KCNK5: variants seen among roughly 807,000 people sequenced by gnomAD.
KCNK5 encodes the protein potassium channel subfamily K member 5.
In KCNK5, 18 loss-of-function variants were observed where a neutral mutation model predicts 32.9. The ratio of observed to expected loss-of-function variants is 0.55; its 90% confidence interval spans 0.38 to 0.81. KCNK5 has a LOEUF of 0.81. Among genes scored for constraint, KCNK5 ranks in the 30% least tolerant of loss-of-function variants. KCNK5 has a pLI of 0.00. For synonymous variants in KCNK5, 276 were observed against 275.3 expected, an observed-to-expected ratio of 1.00 and a Z score of -0.03; for missense variants, 507 against 651.0, an observed-to-expected ratio of 0.78 and a Z score of 2.41.
At chr6:39,193,592 A>C (rs1028966731) in intron 4 of KCNK5, among the ~76,000 whole-genome samples, 6 of 152,236 alleles carry the variant, frequency 3.9e-5, no homozygotes, top group African/African-American at 7.2e-5. Context: ...CAAAGGGGCC[A>C]AAGAACCTCA....
chr6:39,209,725 A>C (rs139608172), intron 1 of KCNK5, among the ~76,000 whole-genome samples: 16 of 152,350 alleles, frequency 1.1e-4, no homozygotes, highest in Non-Finnish European at 2.2e-4. Flanking sequence ...TTTTAAGCAC[A>C]GACGTTTCCA....
intron 1 of KCNK5, among the ~76,000 whole-genome samples, chr6:39,205,599 C>T (rs185737136): frequency 3.2e-4 from 48 of 152,264 alleles, no homozygotes; most frequent in Non-Finnish European, 4.9e-4. Context: ...CCCTTCTCTG[C>T]CCCCAGAGTT....
chr6:39,210,916 C>T (rs1439133211), intron 1 of KCNK5, among the ~76,000 whole-genome samples: 1 of 152,122 alleles, frequency 6.6e-6, no homozygotes, highest in Admixed American at 6.5e-5. Flanking sequence ...GAACAAGGAC[C>T]AGAGCAATTT....
chr6:39,204,377 A>G (rs1000359037), intron 1 of KCNK5, among the ~76,000 whole-genome samples: 1 of 152,282 alleles, frequency 6.6e-6, no homozygotes, highest in African/African-American at 2.4e-5. Context: ...GCTTCTCTGT[A>G]CAATGAGGAG....
chr6:39,222,133 C>G (rs932582446), intron 1 of KCNK5, among the ~76,000 whole-genome samples: 3 of 152,204 alleles, frequency 2.0e-5, no homozygotes, highest in East Asian at 3.9e-4. Flanking sequence ...ACACCACCCC[C>G]ACTTCTACAT....
chr6:39,227,589 C>T (rs1771697135), intron 1 of KCNK5, among the ~76,000 whole-genome samples: 1 of 152,188 alleles, frequency 6.6e-6, no homozygotes, highest in Non-Finnish European at 1.5e-5. Flanking sequence ...GACTAAACCT[C>T]CCCTTCTACA....
At chr6:39,212,360 A>T (rs1225965338) in intron 1 of KCNK5, among the ~76,000 whole-genome samples, 3 of 152,208 alleles carry the variant, frequency 2.0e-5, no homozygotes, top group African/African-American at 7.2e-5. Context: ...GCATAGCGGC[A>T]TGTGGGTAGT....
chr6:39,204,622 C>T lies in KCNK5; in HGVS notation c.187-8635G>A, dbSNP rs142620490. Among the ~76,000 whole-genome samples the T allele has an allele frequency of 1.0e-3, 157 of 152,358 alleles. 2 individuals are homozygous for T. The East Asian group carries it at 0.027, about 26-fold the overall frequency. On this transcript the variant is annotated intron_variant, in intron 1 of 4. Transcript: ENST00000359534. ...GAGAAATAGTCTGGGGCTTGAACTG[C>T]GAACCAGGATGCTGCAAAGCTCCCC...
rs1387740749 is a variant in KCNK5 at position 39,191,794 on chromosome 6, C to T, written c.635-39G>A. 3.2e-6 allele frequency: 5 copies of T among 1,586,014 alleles called. No homozygotes were observed. The Admixed American group carries it at 8.6e-5, about 27-fold the overall frequency. On this transcript the variant is annotated intron_variant, in intron 4 of 4. Coordinates refer to ENST00000359534, the MANE Select transcript of KCNK5 (RefSeq NM_003740.4). This position sits in a 1 kb window ranked among gnomAD's most constrained non-coding sequence, Gnocchi z 5.8. ...CAGTCCAGAGGTCAGGAAGAGTTAG[C>T]AGGGCCCGGGAAATGTGCAATGGCC... is the stretch of plus-strand genomic sequence containing the variant.
chr6:39,215,210 C>A (rs980148296), intron 1 of KCNK5, among the ~76,000 whole-genome samples: 1 of 152,048 alleles, frequency 6.6e-6, no homozygotes, highest in Non-Finnish European at 1.5e-5. Flanking sequence ...ATCAGGACAC[C>A]CTCCCTTTTC....
At chr6:39,217,600 C>T (rs769135449) in intron 1 of KCNK5, among the ~76,000 whole-genome samples, 1 of 152,224 alleles carries the variant, frequency 6.6e-6, no homozygotes, top group Non-Finnish European at 1.5e-5. Flanking sequence ...ACATAACCTC[C>T]AAAGGTCTGG....
rs1770947628 is a variant in KCNK5, at chr6:39,191,999, A to G, written c.635-244T>C. Among the ~76,000 whole-genome samples the G allele has an allele frequency of 6.6e-6, 1 of 152,078 alleles. No homozygotes were observed. Among genetic ancestry groups the G allele is most frequent in the South Asian group, 2.1e-4 (1 of 4,816 alleles). ...TCTGAGTCTCGGTTTCCTCAACTAG[A>G]AACGTCAAGACAGGCCAGGCATGGT... On this transcript the variant is annotated intron_variant, in intron 4 of 4. Coordinates refer to ENST00000359534, the MANE Select transcript of KCNK5 (RefSeq NM_003740.4). The surrounding 1 kb of genome is among the most constrained non-coding windows in gnomAD (Gnocchi z 5.8).
chr6:39,225,524 C>T (rs535970044), intron 1 of KCNK5, among the ~76,000 whole-genome samples: 1 of 152,340 alleles, frequency 6.6e-6, no homozygotes, highest in South Asian at 2.1e-4. Context: ...CCTTCAATCA[C>T]ACCCCCACTG....
chr6:39,195,937 G>C lies in KCNK5; in HGVS notation c.237C>G (p.Thr79=). The change falls in exon 2 of 5, where the codon ACC becomes ACG. Residue 79 remains threonine, a synonymous_variant. Transcript: ENST00000359534. ...GQGVAITGNQ[T]FNNWNWPNAM... is the part of the protein sequence containing the mutation. ...CATTGGGCCAGTTCCAGTTGTTGAAGGTCTGGTTCCCTGTGATGGCCACAC... is the reference window on the plus strand; with the variant it reads ...CATTGGGCCAGTTCCAGTTGTTGAACGTCTGGTTCCCTGTGATGGCCACAC... 6.2e-7 allele frequency: 1 copy of C among 1,613,962 alleles called. No individual in the cohort carries two copies. The highest frequency in any genetic ancestry group is 1.1e-5 in the South Asian group (1 of 91,036).
At chr6:39,218,937 G>C (rs761724703) in intron 1 of KCNK5, among the ~76,000 whole-genome samples, 1 of 152,216 alleles carries the variant, frequency 6.6e-6, no homozygotes, top group Non-Finnish European at 1.5e-5. Context: ...TTGCCCTCTT[G>C]GTTTCCACAG....
chr6:39,224,465 A>C (rs1477689962), intron 1 of KCNK5, among the ~76,000 whole-genome samples: 1 of 152,156 alleles, frequency 6.6e-6, no homozygotes, highest in Non-Finnish European at 1.5e-5. Context: ...TTTATTTTTC[A>C]AATCTGGGGA....
At chr6:39,214,340 G>C (rs567772453) in intron 1 of KCNK5, among the ~76,000 whole-genome samples, 7 of 152,214 alleles carry the variant, frequency 4.6e-5, no homozygotes, top group Non-Finnish European at 7.3e-5. Context: ...TCCCCAGCTA[G>C]GAGGGCACTG....
chr6:39,196,676 G>T (rs918333943), intron 1 of KCNK5, among the ~76,000 whole-genome samples: 7 of 152,216 alleles, frequency 4.6e-5, no homozygotes, highest in Non-Finnish European at 8.8e-5. Flanking sequence ...CTCCCCTGTG[G>T]GATCTCACTT....
In KCNK5 at chr6:39,190,986, G is replaced by A. The variant is rs33997135; in HGVS notation, c.1404C>T (p.Ser468=). 1.5e-3 allele frequency: 2,413 copies of A among 1,563,780 alleles called. 3 individuals are homozygous for A. The highest frequency in any genetic ancestry group is 2.0e-3 in the Admixed American group (105 of 52,868). ...ACTCAGTGCTGGTGAAGGTGGACTC[G>A]GAGGAGGAGGGGAACTCGCCCATGT... ...PLNMGEFPSS[S]ESTFTSTESE... Residue 468 remains serine, a synonymous_variant, in exon 5 of 5, where the codon TCC becomes TCT. Coordinates refer to ENST00000359534, the MANE Select transcript of KCNK5 (RefSeq NM_003740.4).
Sources: allele counts gnomAD v4.1 joint callset (sites outside exome capture counted in the v4.1 genomes callset), GRCh38; gene constraint gnomAD v4.1.1; non-coding constraint Gnocchi (gnomAD v3.1); transcripts MANE v1.5; gene names NCBI Gene and HGNC (gene_info 2026-07-23, HGNC 2026-07-21).